Variants in MON1B observed in about 807,000 individuals in gnomAD.
MON1B encodes vacuolar fusion protein MON1 homolog B.
In MON1B, 26 loss-of-function variants were observed where a neutral mutation model predicts 45.1. The observed-to-expected ratio is 0.58, with a 90% CI of 0.42 to 0.80. MON1B has a LOEUF of 0.80. Among genes scored for constraint, MON1B ranks in the 30% least tolerant of loss-of-function variants. The pLI, the probability that MON1B is intolerant of heterozygous loss-of-function variation, is 0.00. For synonymous variants in MON1B, 395 were observed against 320.2 expected (o/e 1.23, Z -2.49); for missense variants, 737 against 754.5 (o/e 0.98, Z 0.27).
In MON1B at chr16:77,195,624, C is replaced by G. The variant is rs2054657857; in HGVS notation, c.1385C>G (p.Thr462Ser). The G allele has an allele frequency of 6.2e-7, 1 of 1,614,054 alleles. No individual in the cohort carries two copies. Among genetic ancestry groups the G allele is most frequent in the Non-Finnish European group, 8.5e-7 (1 of 1,180,036 alleles). Residue 462 changes from threonine (T) to serine (S), a missense_variant, in exon 5 of 6, where the codon ACC becomes AGC. By Grantham distance (58) the Thr-to-Ser change is moderately conservative. Coordinates refer to ENST00000248248, the MANE Select transcript of MON1B (RefSeq NM_014940.4). ...CGCCTGCATGCTCGTCTCCACAGCACCTCCCGACCCCTGCGCCTCATTTAC... is the reference window on the plus strand; with the variant it reads ...CGCCTGCATGCTCGTCTCCACAGCAGCTCCCGACCCCTGCGCCTCATTTAC... The part of the protein sequence containing the change: ...YHRLHARLHS[T>S]SRPLRLIYHV...
chr16:77,199,497 A>G lies in MON1B; in HGVS notation c.*1189A>G, dbSNP rs4888607. The G allele has an allele frequency of 1, 1,548,825 of 1,551,518 alleles. 773,110 individuals are homozygous for G. Among genetic ancestry groups the G allele is most frequent in the East Asian group, 1 (40,908 of 40,908 alleles). On this transcript the variant is annotated 3_prime_UTR_variant, in exon 6 of 6. Transcript: ENST00000248248. ...TCTGAATGTGGAGGCGCCAGAAGCT[A>G]CTGAGGAGGCTGAAGGTAGTGAGGG...
At position 77,199,338 on chromosome 16, in the gene MON1B, C is replaced by G. The variant is rs28676830; in HGVS notation, c.*1030C>G. The G allele has an allele frequency of 9.7e-7, 1 of 1,034,188 alleles. No individual in the cohort carries two copies. Among genetic ancestry groups the G allele is most frequent in the Non-Finnish European group, 1.4e-6 (1 of 699,782 alleles). 64.1% of individuals were successfully genotyped at this position (1,034,188 alleles called of 1,614,324 possible). A position where few individuals can be genotyped will look rare whatever the true frequency, so the allele number is the denominator to read the frequency against. On this transcript the variant is annotated 3_prime_UTR_variant, in exon 6 of 6. Transcript: ENST00000248248. ...GCCCAGAGCTGACTCCTGATTTAAC[C>G]GCTGGCGTAACCGCGGGTTGCACGC...
Position 77,200,274 on chromosome 16 carries a change from G to GTGTATATATATATATATATATA in MON1B, c.*1967_*1968insGTATATATATATATATATATAT, listed in dbSNP as rs1254014728. 4 of 113,580 alleles carry GTGTATATATATATATATATATA rather than the reference G, an allele frequency of 3.5e-5. No individual in the cohort carries two copies. Among genetic ancestry groups the GTGTATATATATATATATATATA allele is most frequent in the South Asian group, 2.6e-4 (1 of 3,886 alleles). The allele number at this position is 113,580 out of a possible 1,614,324, so 7.0% of individuals were successfully genotyped here. On this transcript the variant is annotated 3_prime_UTR_variant, in exon 6 of 6. Coordinates refer to ENST00000248248, the MANE Select transcript of MON1B (RefSeq NM_014940.4). ...TATATGTGTATATATATATATATGT[G>GTGTATATATATATATATATATA]TATATATATATATATATACACACAC...
Position 77,199,708 on chromosome 16 carries a change from C to T in MON1B, c.*1400C>T. On this transcript the variant is annotated 3_prime_UTR_variant, in exon 6 of 6. Transcript: ENST00000248248. ...TAAATTAACAGGCATATTCTTATCACCGAGATTAACTTTTGTCAACTGTAG... is the reference window on the plus strand; with the variant it reads ...TAAATTAACAGGCATATTCTTATCATCGAGATTAACTTTTGTCAACTGTAG... 1 of 529,788 alleles carries T rather than the reference C, an allele frequency of 1.9e-6. No homozygotes were observed. The highest frequency in any genetic ancestry group is 3.3e-6 in the Non-Finnish European group (1 of 300,388). 32.8% of individuals were successfully genotyped at this position (529,788 alleles called of 1,614,324 possible). A position where few individuals can be genotyped will look rare whatever the true frequency, so the allele number is the denominator to read the frequency against.
intron 1 of MON1B, 28 bp from the exon 2 acceptor site, chr16:77,191,448 C>G (rs1386372694): frequency 1.3e-6 from 2 of 1,580,422 alleles, no homozygotes; most frequent in Non-Finnish European, 1.7e-6. Flanking sequence ...TTTCACCGCC[C>G]GTCACCCTCG....
At position 77,193,603 on chromosome 16, in the gene MON1B, A is replaced by G. The variant is rs1372967022; in HGVS notation, c.301A>G (p.Ser101Gly). ...CTCTGGAGGCCAGGGCGGGGACCCCAGTGATGAGGAGTGGCGCAGCCAGCG... is the reference window on the plus strand; with the variant it reads ...CTCTGGAGGCCAGGGCGGGGACCCCGGTGATGAGGAGTGGCGCAGCCAGCG... Reference protein sequence around the residue: ...SSSGGQGGDPSDEEWRSQRKH... With the variant: ...SSSGGQGGDPGDEEWRSQRKH... Residue 101 changes from serine (S) to glycine (G), a missense_variant, in exon 3 of 6, where the codon AGT becomes GGT. Coordinates refer to ENST00000248248, the MANE Select transcript of MON1B (RefSeq NM_014940.4). The surrounding 1 kb of genome is among the most constrained non-coding windows in gnomAD (Gnocchi z 5.0). The G allele has an allele frequency of 2.5e-6, 4 of 1,614,060 alleles. No individual in the cohort carries two copies. In the Admixed American group the frequency reaches 6.7e-5, roughly 27 times the overall value.
chr16:77,191,395 T>C (rs769066328), intron 1 of MON1B, 81 bp from the exon 2 acceptor site: 56 of 1,579,836 alleles, frequency 3.5e-5, no homozygotes, highest in Non-Finnish European at 4.7e-5. Flanking sequence ...AGTAGGAGTG[T>C]GTCCAAGGGG....
intron 5 of MON1B, among the ~76,000 whole-genome samples, chr16:77,197,102 G>A (rs916163429): frequency 3.9e-5 from 6 of 152,068 alleles, no homozygotes; most frequent in Admixed American, 2.6e-4. Flanking sequence ...GGCCAGACAC[G>A]GTGCCTCACG....
At chr16:77,195,184 G>T (rs2054653340) in intron 4 of MON1B, 30 bp downstream of exon 4, 1 of 1,501,220 alleles carries the variant, frequency 6.7e-7, no homozygotes, top group East Asian at 2.4e-5. Flanking sequence ...CAACTGGCTG[G>T]GTGGGAAGGC....
Position 77,202,157 on chromosome 16 carries a change from G to A in MON1B, c.*3849G>A, listed in dbSNP as rs190591636. The A allele has an allele frequency of 6.6e-6, 1 of 152,270 alleles. No homozygotes were observed. The highest frequency in any genetic ancestry group is 1.9e-4 in the East Asian group (1 of 5,184). The allele number at this position is 152,270 out of a possible 1,614,324, so 9.4% of individuals were successfully genotyped here. ...CACCTGAGGATCCTATATTCATATT[G>A]GATCAGTATTAACATCCAGGTTTTG... is the stretch of plus-strand genomic sequence containing the variant. On this transcript the variant is annotated 3_prime_UTR_variant, in exon 6 of 6. Transcript: ENST00000248248.
chr16:77,193,805 G>A lies in MON1B; in HGVS notation c.475+28G>A. 6.3e-7 allele frequency: 1 copy of A among 1,586,828 alleles called. No homozygotes were observed. Among genetic ancestry groups the A allele is most frequent in the Non-Finnish European group, 8.6e-7 (1 of 1,163,818 alleles). On this transcript the variant is annotated intron_variant, in intron 3 of 5. Transcript: ENST00000248248. This position sits in a 1 kb window ranked among gnomAD's most constrained non-coding sequence, Gnocchi z 5.0. ...GAGCAAACAGGTGGGAGGCAGAATG[G>A]GGGACAGTGACTGGGAATATGGCTG...
chr16:77,194,130 T>C lies in MON1B; in HGVS notation c.476-205T>C. 1 of 652,988 alleles carries C rather than the reference T, an allele frequency of 1.5e-6. No individual in the cohort carries two copies. Among genetic ancestry groups the C allele is most frequent in the Admixed American group, 2.4e-5 (1 of 41,280 alleles). 40.4% of individuals were successfully genotyped at this position (652,988 alleles called of 1,614,324 possible). ...GGTCTTTGCTGTGTATCTAACCTAC[T>C]TGTTCCTTTGTCCATCCCATCATGT... On this transcript the variant is annotated intron_variant, in intron 3 of 5. Coordinates refer to ENST00000248248, the MANE Select transcript of MON1B (RefSeq NM_014940.4). The surrounding 1 kb of genome is among the most constrained non-coding windows in gnomAD (Gnocchi z 8.1).
rs1401874049 is a variant in MON1B, at chr16:77,193,896, T to G, written c.475+119T>G. 2 of 1,058,584 alleles carry G rather than the reference T, an allele frequency of 1.9e-6. No homozygotes were observed. The highest frequency in any genetic ancestry group is 2.7e-6 in the Non-Finnish European group (2 of 746,192). 65.6% of individuals were successfully genotyped at this position (1,058,584 alleles called of 1,614,324 possible). On this transcript the variant is annotated intron_variant, in intron 3 of 5. Coordinates refer to ENST00000248248, the MANE Select transcript of MON1B (RefSeq NM_014940.4). The surrounding 1 kb of genome is among the most constrained non-coding windows in gnomAD (Gnocchi z 5.0). ...CCAGGGTTGGGTCCATGTGTGTGGATGGTCAGCCAGAGCTCTGTCAGTGGC... is the reference window on the plus strand; with the variant it reads ...CCAGGGTTGGGTCCATGTGTGTGGAGGGTCAGCCAGAGCTCTGTCAGTGGC...
In MON1B at chr16:77,195,132, CG is replaced by C; in HGVS notation, c.1274del (p.Arg425ProfsTer11). The stretch of plus-strand genomic sequence containing the variant: ...GCCGCTGGACATCCCTGACCACCAC[CG>C]CCAACTGCCCCAGTTTACCAGGTAG... Reference protein sequence around the residue: ...YKPLDIPDHHRQLPQFTSPEL... With the variant: ...YKPLDIPDHHXQLPQFTSPEL... On this transcript the variant is annotated frameshift_variant, in exon 4 of 6. Coordinates refer to ENST00000248248, the MANE Select transcript of MON1B (RefSeq NM_014940.4). LOFTEE classifies it high-confidence loss of function. 6.3e-7 allele frequency: 1 copy of C among 1,596,146 alleles called. No individual in the cohort carries two copies. The highest frequency in any genetic ancestry group is 8.5e-7 in the Non-Finnish European group (1 of 1,177,866).
chr16:77,194,382 G>C lies in MON1B; in HGVS notation c.523G>C (p.Ala175Pro). 6.2e-7 allele frequency: 1 copy of C among 1,611,802 alleles called. No homozygotes were observed. The highest frequency in any genetic ancestry group is 8.5e-7 in the Non-Finnish European group (1 of 1,180,002). Residue 175 changes from alanine to proline, a missense_variant, in exon 4 of 6, where the codon GCC becomes CCC. Ala to Pro is a conservative substitution (Grantham distance 27). Transcript: ENST00000248248. This position sits in a 1 kb window ranked among gnomAD's most constrained non-coding sequence, Gnocchi z 8.1. ...ACAACAGGGCCCACTGTTGCTCGTG[G>C]CCATGTCACGGACTTCTCAGTCAGC... ...FLQQGPLLLV[A>P]MSRTSQSAAQ... is the part of the protein sequence containing the mutation.
At position 77,191,207 on chromosome 16, in the gene MON1B, C is replaced by T. The variant is rs2232500; in HGVS notation, c.-62C>T. The T allele has an allele frequency of 2.5e-3, 3,799 of 1,536,116 alleles. 101 individuals are homozygous for T. The African/African-American group carries it at 0.046, about 18-fold the overall frequency. On this transcript the variant is annotated 5_prime_UTR_variant, in exon 1 of 6. Coordinates refer to ENST00000248248, the MANE Select transcript of MON1B (RefSeq NM_014940.4). ...GCACCCGGAAGTGTGATGCCACCGC[C>T]GCTACGGGGAAGTAATGGTATCCGG...
Position 77,193,785 on chromosome 16 carries a change from A to G in MON1B, c.475+8A>G. 1 of 1,601,810 alleles carries G rather than the reference A, an allele frequency of 6.2e-7. No homozygotes were observed. The highest frequency in any genetic ancestry group is 1.1e-5 in the South Asian group (1 of 89,936). ...TCCGTGCCATCTACGCTGGTGAGCA[A>G]ACAGGTGGGAGGCAGAATGGGGGAC... On this transcript the variant is annotated splice_region_variant and intron_variant, in intron 3 of 5. Transcript: ENST00000248248. This position sits in a 1 kb window ranked among gnomAD's most constrained non-coding sequence, Gnocchi z 5.0.
At position 77,194,733 on chromosome 16, in the gene MON1B, A is replaced by G; in HGVS notation, c.874A>G (p.Asn292Asp). The G allele has an allele frequency of 1.2e-6, 2 of 1,613,822 alleles. No homozygotes were observed. The highest frequency in any genetic ancestry group is 1.7e-6 in the Non-Finnish European group (2 of 1,179,832). Reference sequence around the variant, plus strand: ...ACTTATAACAGCAGCCCAGGAGCGAAATGTGCTGGCCGAGTGCCGGCTGGA... The same window carrying G: ...ACTTATAACAGCAGCCCAGGAGCGAGATGTGCTGGCCGAGTGCCGGCTGGA... ...GRLITAAQER[N>D]VLAECRLDPA... Residue 292 changes from asparagine (N) to aspartate (D), a missense_variant, in exon 4 of 6, where the codon AAT (asparagine) becomes GAT (aspartate). Asn to Asp is a conservative substitution (Grantham distance 23, BLOSUM62 1). Transcript: ENST00000248248. This position sits in a 1 kb window ranked among gnomAD's most constrained non-coding sequence, Gnocchi z 8.1.
rs550099870 is a variant in MON1B at position 77,198,572 on chromosome 16, A to G, written c.*264A>G. 85 of 505,016 alleles carry G rather than the reference A, an allele frequency of 1.7e-4. No homozygotes were observed. The highest frequency in any genetic ancestry group is 1.7e-3 in the South Asian group (80 of 47,650). The allele number at this position is 505,016 out of a possible 1,614,324, so 31.3% of individuals were successfully genotyped here. A position where few individuals can be genotyped will look rare whatever the true frequency, so the allele number is the denominator to read the frequency against. On this transcript the variant is annotated 3_prime_UTR_variant, in exon 6 of 6. Coordinates refer to ENST00000248248, the MANE Select transcript of MON1B (RefSeq NM_014940.4). ...CCCTTCCCTCTGTCTCATCTCCTCC[A>G]CTTGGATGATGCTCTAGCCTCTGTC... is the stretch of plus-strand genomic sequence containing the variant.
Sources: gnomAD v4.1 joint callset for allele counts (sites outside exome capture counted in the v4.1 genomes callset) on GRCh38, gnomAD v4.1.1 for gene constraint, Gnocchi (gnomAD v3.1) non-coding constraint, MANE v1.5 for transcripts, NCBI Gene and HGNC (gene_info 2026-07-23, HGNC 2026-07-21) for gene names.